FBXO40: variants seen among roughly 807,000 people sequenced by gnomAD.
FBXO40 encodes F-box only protein 40.
FBXO40 carries 50 observed loss-of-function variants against 49.9 expected under a neutral mutation model. The observed-to-expected ratio is 1.00, with a 90% confidence interval of 0.80 to 1.27. FBXO40 has a LOEUF of 1.27. Among genes scored for constraint, FBXO40 ranks in the 50% most tolerant of loss-of-function variants. The pLI, the probability that FBXO40 is intolerant of heterozygous loss-of-function variation, is 0.00. For missense variants in FBXO40, 895 were observed against 870.1 expected, an observed-to-expected ratio of 1.03 and a Z score of -0.36; for synonymous variants, 340 against 320.2, an observed-to-expected ratio of 1.06 and a Z score of -0.66.
intron 1 of FBXO40, among the ~76,000 whole-genome samples, 174 bp downstream of exon 1, chr3:121,593,676 G>A (rs1047780872): frequency 6.6e-5 from 10 of 152,210 alleles, no homozygotes; most frequent in Admixed American, 3.3e-4. Context: ...CCAGCCGTGT[G>A]TAAATTTCTG....
chr3:121,628,166 A>C lies in FBXO40; in HGVS notation c.*1256A>C, dbSNP rs935047968. On this transcript the variant is annotated 3_prime_UTR_variant, in exon 4 of 4. Transcript: ENST00000338040. ...AACTATTGACATTTTTAAATGGATA[A>C]TTCTTTTTTTTTTTTTCTAGGTGGG... 2.3e-4 allele frequency: 84 copies of C among 359,380 alleles called. No individual in the cohort carries two copies. The highest frequency in any genetic ancestry group is 1.5e-3 in the African/African-American group (71 of 46,022). 22.3% of individuals were successfully genotyped at this position (359,380 alleles called of 1,614,324 possible).
intron 1 of FBXO40, among the ~76,000 whole-genome samples, chr3:121,618,136 T>C (rs969691741): frequency 6.6e-6 from 1 of 152,104 alleles, no homozygotes; most frequent in Non-Finnish European, 1.5e-5. Flanking sequence ...CCCCAAAATA[T>C]GTACAACTAT....
rs2049085175 is a variant in FBXO40 at position 121,630,066 on chromosome 3, A to G, written c.*3156A>G. 1 of 152,242 alleles carries G rather than the reference A, an allele frequency of 6.6e-6. No homozygotes were observed. The highest frequency in any genetic ancestry group is 2.4e-5 in the African/African-American group (1 of 41,462). The allele number at this position is 152,242 out of a possible 1,614,324, so 9.4% of individuals were successfully genotyped here. On this transcript the variant is annotated 3_prime_UTR_variant, in exon 4 of 4. Transcript: ENST00000338040. ...GAGAGGACCTTACTGCCTTAGTAGC[A>G]TAAGGGTCTGGAAAAGAAGTTTCTA...
chr3:121,594,666 C>A (rs527967892), intron 1 of FBXO40, among the ~76,000 whole-genome samples: 3 of 152,312 alleles, frequency 2.0e-5, no homozygotes, highest in African/African-American at 7.2e-5. Context: ...TCAAACTCCG[C>A]AGAGTTTAAC....
chr3:121,626,623 T>C (rs895879002), intron 3 of FBXO40, 72 bp from the exon 4 acceptor site: 62 of 1,329,278 alleles, frequency 4.7e-5, no homozygotes, highest in Non-Finnish European at 5.7e-5. Context: ...TATTTCCTTA[T>C]AGTGCCCAAA....
At chr3:121,594,706 G>A (rs959256544) in intron 1 of FBXO40, among the ~76,000 whole-genome samples, 4 of 152,100 alleles carry the variant, frequency 2.6e-5, no homozygotes, top group Non-Finnish European at 5.9e-5. Context: ...TATTCTCTAA[G>A]TGTGGCCCTC....
In FBXO40 at chr3:121,627,533, G is replaced by A. The variant is rs1242333469; in HGVS notation, c.*623G>A. ...TTGAAGACACCACAGGCCAAAACATGAGGGGCAGAAATGGGATCACAGAGT... is the reference window on the plus strand; with the variant it reads ...TTGAAGACACCACAGGCCAAAACATAAGGGGCAGAAATGGGATCACAGAGT... On this transcript the variant is annotated 3_prime_UTR_variant, in exon 4 of 4. Transcript: ENST00000338040. The A allele has an allele frequency of 4.2e-6, 1 of 239,360 alleles. No homozygotes were observed. Among genetic ancestry groups the A allele is most frequent in the East Asian group, 8.1e-5 (1 of 12,378 alleles). The allele number at this position is 239,360 out of a possible 1,614,324, so 14.8% of individuals were successfully genotyped here.
In FBXO40 at chr3:121,623,152, A is replaced by G; in HGVS notation, c.1723A>G (p.Ser575Gly). The G allele has an allele frequency of 6.2e-7, 1 of 1,614,184 alleles. No homozygotes were observed. Among genetic ancestry groups the G allele is most frequent in the Non-Finnish European group, 8.5e-7 (1 of 1,180,022 alleles). ...AGGAAAAAGCCAGAATTCTTTAACC[A>G]GCCTGCCCCTGGAGATTTTGAAGTA... is the stretch of plus-strand genomic sequence containing the variant. ...HGGKSQNSLT[S>G]LPLEILKYIA... is the part of the protein sequence containing the mutation. Residue 575 changes from serine to glycine, a missense_variant, in exon 3 of 4, where the codon AGC becomes GGC. Physicochemically the swap from Ser to Gly is moderately conservative, Grantham distance 56. Transcript: ENST00000338040.
At chr3:121,615,385 C>T (rs531601219) in intron 1 of FBXO40, among the ~76,000 whole-genome samples, 1 of 151,454 alleles carries the variant, frequency 6.6e-6, no homozygotes, top group Admixed American at 6.6e-5. Flanking sequence ...GGCAAAACCC[C>T]GTCTCTTCTA....
chr3:121,616,093 C>T (rs2048996186), intron 1 of FBXO40, among the ~76,000 whole-genome samples: 2 of 152,130 alleles, frequency 1.3e-5, no homozygotes, highest in African/African-American at 4.8e-5. Flanking sequence ...TCTCAGCCAC[C>T]CTGCTCTGTT....
intron 1 of FBXO40, among the ~76,000 whole-genome samples, chr3:121,600,285 C>T (rs762053801): frequency 6.6e-5 from 10 of 151,224 alleles, no homozygotes; most frequent in Non-Finnish European, 1.0e-4. Flanking sequence ...AGCAATCTCC[C>T]ACCTTGGCCT....
In FBXO40 at chr3:121,628,253, C is replaced by A. The variant is rs34748057; in HGVS notation, c.*1343C>A. On this transcript the variant is annotated 3_prime_UTR_variant, in exon 4 of 4. Coordinates refer to ENST00000338040, the MANE Select transcript of FBXO40 (RefSeq NM_016298.4). ...GCGCAATGACATGATCTCGGCTCAC[C>A]GCAACCTCCGCCTCCTGGGTTCAAG... 2 of 185,854 alleles carry A rather than the reference C, an allele frequency of 1.1e-5. No homozygotes were observed. The highest frequency in any genetic ancestry group is 1.3e-4 in the East Asian group (1 of 7,940). The allele number at this position is 185,854 out of a possible 1,614,324, so 11.5% of individuals were successfully genotyped here.
At chr3:121,600,031 C>CAT (rs1051011079) in intron 1 of FBXO40, among the ~76,000 whole-genome samples, 21 of 150,076 alleles carry the variant, frequency 1.4e-4, no homozygotes, top group Non-Finnish European at 2.4e-4. Context: ...TCTAAACACA[C>CAT]ATATATATAT....
At position 121,620,545 on chromosome 3, in the gene FBXO40, G is replaced by C. The variant is rs757542352; in HGVS notation, c.-30-1G>C. 111 of 1,613,712 alleles carry C rather than the reference G, an allele frequency of 6.9e-5. No individual in the cohort carries two copies. Among genetic ancestry groups the C allele is most frequent in the Non-Finnish European group, 8.5e-7 (1 of 1,179,850 alleles). The stretch of plus-strand genomic sequence containing the variant: ...TTATTTATATTCATATTTTCCCGTA[G>C]AGCTAAGAAGCAAGAAGAAATTGGG... On this transcript the variant is annotated splice_acceptor_variant, in intron 1 of 3. Coordinates refer to ENST00000338040, the MANE Select transcript of FBXO40 (RefSeq NM_016298.4). LOFTEE classifies it low-confidence loss of function (5UTR_SPLICE).
rs912803002 is a variant in FBXO40, at chr3:121,629,335, T to C, written c.*2425T>C. 3.3e-5 allele frequency: 5 copies of C among 152,182 alleles called. No individual in the cohort carries two copies. The highest frequency in any genetic ancestry group is 1.2e-4 in the African/African-American group (5 of 41,440). 9.4% of individuals were successfully genotyped at this position (152,182 alleles called of 1,614,324 possible). ...GACCTAAGGTTTTATTCTGTGAAGATGAGTAACTGGAAAGAAGCTAACACT... is the reference window on the plus strand; with the variant it reads ...GACCTAAGGTTTTATTCTGTGAAGACGAGTAACTGGAAAGAAGCTAACACT... On this transcript the variant is annotated 3_prime_UTR_variant, in exon 4 of 4. Transcript: ENST00000338040.
intron 1 of FBXO40, among the ~76,000 whole-genome samples, chr3:121,600,928 G>C (rs965885169): frequency 6.6e-6 from 1 of 152,176 alleles, no homozygotes; most frequent in Non-Finnish European, 1.5e-5. Context: ...CTGGGCACAG[G>C]AACAGAGAAG....
At position 121,599,722 on chromosome 3, in the gene FBXO40, ATATTT is replaced by A. The variant is rs1360988135; in HGVS notation, c.-31+6222_-31+6226del. Among the ~76,000 whole-genome samples the A allele has an allele frequency of 1.8e-3, 150 of 81,600 alleles. 3 individuals are homozygous for A. The East Asian group carries it at 0.021, about 11-fold the overall frequency. 53.5% of individuals were successfully genotyped at this position (81,600 alleles called of 152,430 possible). ...CACACACACATATATATATATATAT[ATATTT>A]TTTTTTTTTTTTGGAGACGGAGTCT... On this transcript the variant is annotated intron_variant, in intron 1 of 3. Transcript: ENST00000338040.
intron 3 of FBXO40, among the ~76,000 whole-genome samples, chr3:121,624,338 T>A (rs1023284071): frequency 1.3e-5 from 2 of 152,130 alleles, no homozygotes; most frequent in African/African-American, 4.8e-5. Flanking sequence ...TGGGAACAGT[T>A]GCTGAGAATA....
At position 121,621,806 on chromosome 3, in the gene FBXO40, A is replaced by G. The variant is rs370258531; in HGVS notation, c.377A>G (p.Asp126Gly). Reference protein sequence around the residue: ...MKETPSEECLDTALALQDQKV... With the variant: ...MKETPSEECLGTALALQDQKV... ...GAGACCCCCAGTGAGGAGTGTTTGGACACAGCCCTGGCCCTGCAGGATCAG... is the reference window on the plus strand; with the variant it reads ...GAGACCCCCAGTGAGGAGTGTTTGGGCACAGCCCTGGCCCTGCAGGATCAG... Residue 126 changes from aspartate to glycine, a missense_variant, in exon 3 of 4, where the codon GAC (aspartate) becomes GGC (glycine). Asp to Gly is a moderately conservative substitution (Grantham distance 94, BLOSUM62 -1). Transcript: ENST00000338040. 56 of 1,614,096 alleles carry G rather than the reference A, an allele frequency of 3.5e-5. No individual in the cohort carries two copies. Among genetic ancestry groups the G allele is most frequent in the Non-Finnish European group, 4.4e-5 (52 of 1,180,050 alleles).
Sources: allele counts gnomAD v4.1 joint callset (sites outside exome capture counted in the v4.1 genomes callset), GRCh38; gene constraint gnomAD v4.1.1; transcripts MANE v1.5; gene names NCBI Gene and HGNC (gene_info 2026-07-23, HGNC 2026-07-21).